SYT16: variants seen among roughly 807,000 people sequenced by gnomAD.
The protein encoded by SYT16 is synaptotagmin-16.
A neutral mutation model predicts 61.4 loss-of-function variants in SYT16; 42 were observed. The ratio of observed to expected loss-of-function variants is 0.68; its 90% CI spans 0.53 to 0.89. SYT16 has a LOEUF of 0.89. SYT16 is among the 40% of genes least tolerant of loss of function. The pLI is 0.00. For synonymous variants in SYT16, 314 were observed against 302.3 expected (o/e 1.04, Z -0.40); for missense variants, 804 against 807.3 (o/e 1.00, Z 0.05).
chr14:61,876,063 C>CGT (rs772452173), intron 1 of SYT16, among the ~76,000 whole-genome samples: 2 of 151,942 alleles, frequency 1.3e-5, no homozygotes, highest in African/African-American at 4.8e-5. Flanking sequence ...TGTGTGTGTG[C>CGT]GTGTGTGTGT....
intron 1 of SYT16, among the ~76,000 whole-genome samples, chr14:61,823,468 C>T (rs1359510498): frequency 1.3e-5 from 2 of 151,112 alleles, no homozygotes; most frequent in Non-Finnish European, 2.9e-5. Context: ...GTGGCTAATG[C>T]CTGTAATCCC....
chr14:62,006,830 T>C (rs996944901), intron 3 of SYT16, among the ~76,000 whole-genome samples: 4 of 152,232 alleles, frequency 2.6e-5, no homozygotes, highest in African/African-American at 9.6e-5. Flanking sequence ...GAAGCTGTTT[T>C]TTAACCACAT....
At chr14:61,925,769 T>C (rs1316385606) in intron 1 of SYT16, among the ~76,000 whole-genome samples, 1 of 152,184 alleles carries the variant, frequency 6.6e-6, no homozygotes, top group Non-Finnish European at 1.5e-5. Flanking sequence ...TCAGAATCTC[T>C]TACCTTGAAG....
In SYT16 at chr14:62,110,595, C is replaced by T. The variant is rs369279410; in HGVS notation, c.*9888C>T. 1.3e-5 allele frequency: 2 copies of T among 152,060 alleles called. No individual in the cohort carries two copies. Among genetic ancestry groups the T allele is most frequent in the Admixed American group, 1.3e-4 (2 of 15,254 alleles). The allele number at this position is 152,060 out of a possible 1,614,324, so 9.4% of individuals were successfully genotyped here. ...TATTCATAGAATGTCAGTAATCTGT[C>T]TGAATACAAGTTATAGTTGGTCTTT... On this transcript the variant is annotated 3_prime_UTR_variant, in exon 8 of 8. Transcript: ENST00000683842.
At chr14:61,979,812 G>A (rs1385154134) in intron 2 of SYT16, among the ~76,000 whole-genome samples, 1 of 152,132 alleles carries the variant, frequency 6.6e-6, no homozygotes, top group Admixed American at 6.6e-5. Flanking sequence ...AACCCGGGAG[G>A]GAGAGGTTGC....
At chr14:62,022,336 A>C (rs2053942114) in intron 3 of SYT16, among the ~76,000 whole-genome samples, 1 of 152,138 alleles carries the variant, frequency 6.6e-6, no homozygotes, top group African/African-American at 2.4e-5. Context: ...AGCACTTTAA[A>C]TATATCATTG....
At chr14:62,061,223 C>T (rs541315492) in intron 3 of SYT16, among the ~76,000 whole-genome samples, 44 of 151,916 alleles carry the variant, frequency 2.9e-4, no homozygotes, top group Admixed American at 1.2e-3. Flanking sequence ...CTAGAACAAC[C>T]GTTGACAGAA....
At chr14:61,820,318 C>T (rs1003475712) in intron 1 of SYT16, among the ~76,000 whole-genome samples, 1 of 152,114 alleles carries the variant, frequency 6.6e-6, no homozygotes, top group African/African-American at 2.4e-5. Flanking sequence ...ACAACAGCTA[C>T]CTCTTTGATT....
At chr14:61,818,162 A>C (rs945970553) in intron 1 of SYT16, among the ~76,000 whole-genome samples, 3 of 152,204 alleles carry the variant, frequency 2.0e-5, no homozygotes, top group Non-Finnish European at 4.4e-5. Flanking sequence ...ACAAGAAGAG[A>C]GAATAGTATA....
intron 3 of SYT16, among the ~76,000 whole-genome samples, chr14:62,004,843 C>T (rs2053159896): frequency 6.6e-6 from 1 of 152,158 alleles, no homozygotes; most frequent in Admixed American, 6.5e-5. Flanking sequence ...CATGTGGTTT[C>T]CACTGACCCT....
chr14:61,814,442 G>A (rs2045364925), intron 1 of SYT16, among the ~76,000 whole-genome samples: 1 of 152,212 alleles, frequency 6.6e-6, no homozygotes, highest in Non-Finnish European at 1.5e-5. Context: ...CACATGCAGT[G>A]AGACACTGTT....
intron 3 of SYT16, among the ~76,000 whole-genome samples, chr14:62,002,485 T>TA (rs2053059738): frequency 6.6e-6 from 1 of 152,126 alleles, no homozygotes; most frequent in Non-Finnish European, 1.5e-5. Context: ...ATGCATTACT[T>TA]ATTGTTTGCT....
chr14:62,040,777 A>G (rs2054696884), intron 3 of SYT16, among the ~76,000 whole-genome samples: 2 of 152,174 alleles, frequency 1.3e-5, no homozygotes, highest in Non-Finnish European at 2.9e-5. Flanking sequence ...ACTGGAGAGC[A>G]GAAAGTACCA....
chr14:62,024,953 C>T (rs910975485), intron 3 of SYT16, among the ~76,000 whole-genome samples: 56 of 152,132 alleles, frequency 3.7e-4, no homozygotes, highest in African/African-American at 1.3e-3. Context: ...CATATCTTTT[C>T]ATGGCTTGAT....
chr14:61,862,254 C>T (rs1163768462), intron 1 of SYT16, among the ~76,000 whole-genome samples: 5 of 152,116 alleles, frequency 3.3e-5, no homozygotes, highest in East Asian at 1.9e-4. Context: ...TTTCCCTTGT[C>T]GCCCATTGCA....
intron 1 of SYT16, among the ~76,000 whole-genome samples, chr14:61,871,685 C>A (rs1340312145): frequency 4.6e-5 from 7 of 151,974 alleles, no homozygotes; most frequent in Admixed American, 4.6e-4. Context: ...AAATTTAATC[C>A]CTATTACTAT....
At chr14:61,955,218 T>C (rs1938025092) in intron 1 of SYT16, among the ~76,000 whole-genome samples, 1 of 152,140 alleles carries the variant, frequency 6.6e-6, no homozygotes, top group African/African-American at 2.4e-5. Flanking sequence ...CCATCATCAC[T>C]ATCAATGGTA....
At chr14:61,867,729 A>T (rs2047203540) in intron 1 of SYT16, among the ~76,000 whole-genome samples, 1 of 152,094 alleles carries the variant, frequency 6.6e-6, no homozygotes, top group East Asian at 1.9e-4. Flanking sequence ...GTTGAATAGG[A>T]TGACCTTGCT....
intron 4 of SYT16, among the ~76,000 whole-genome samples, chr14:62,074,574 G>C (rs1423536586): frequency 1.3e-5 from 2 of 152,158 alleles, no homozygotes; most frequent in Admixed American, 6.5e-5. Flanking sequence ...TCATTTTTTA[G>C]ATAAAGAAGC....
Sources: gnomAD v4.1 joint callset for allele counts (sites outside exome capture counted in the v4.1 genomes callset) on GRCh38, gnomAD v4.1.1 for gene constraint, MANE v1.5 for transcripts, NCBI Gene and HGNC (gene_info 2026-07-23, HGNC 2026-07-21) for gene names.